RFT1: variants seen among roughly 807,000 people sequenced by gnomAD.
RFT1 encodes the protein man(5)GlcNAc(2)-PP-dolichol translocation protein RFT1.
Under a neutral mutation model 62.2 loss-of-function variants are expected in RFT1, and 43 were observed. The ratio of observed to expected loss-of-function variants is 0.69; its 90% CI spans 0.54 to 0.89. The LOEUF is 0.89. RFT1 is among the 40% of genes least tolerant of loss of function. RFT1 has a pLI of 0.00. For missense variants in RFT1, 605 were observed against 649.9 expected, an observed-to-expected ratio of 0.93 and a Z score of 0.75; for synonymous variants, 262 against 264.6, an observed-to-expected ratio of 0.99 and a Z score of 0.10.
chr3:53,112,177 C>T lies in RFT1; in HGVS notation c.697-269G>A, dbSNP rs142199778. On this transcript the variant is annotated intron_variant, in intron 6 of 12. Coordinates refer to ENST00000296292, the MANE Select transcript of RFT1 (RefSeq NM_052859.4). ...AAGAATTGCTGCTGTCCCTTGGGGG[C>T]CCACACAGTACACTGACCACAGCTA... Among the ~76,000 whole-genome samples the T allele has an allele frequency of 9.8e-5, 15 of 152,330 alleles. No homozygotes were observed. In the East Asian group the frequency reaches 2.9e-3, roughly 29 times the overall value.
chr3:53,112,577 T>G (rs547875224), intron 6 of RFT1, among the ~76,000 whole-genome samples: 1 of 152,148 alleles, frequency 6.6e-6, no homozygotes, highest in South Asian at 2.1e-4. Context: ...ACCCCATCTC[T>G]ACTAAAAATA....
rs1186969107 is a variant in RFT1, at chr3:53,111,624, GGA to G, written c.775+204_775+205del. ...AACAATATGTTTCTTATAAGGCTGT[GGA>G]GAGATTTAAATTAGACCACTAAGTA... On this transcript the variant is annotated intron_variant, in intron 7 of 12. Transcript: ENST00000296292. Among the ~76,000 whole-genome samples, 3 of 152,090 alleles carry G rather than the reference GGA, an allele frequency of 2.0e-5. No individual in the cohort carries two copies. The East Asian group carries it at 5.8e-4, about 29-fold the overall frequency.
chr3:53,112,377 G>A (rs533471154), intron 6 of RFT1, among the ~76,000 whole-genome samples: 4 of 152,294 alleles, frequency 2.6e-5, no homozygotes, highest in Admixed American at 1.3e-4. Flanking sequence ...TTTAGCCTTC[G>A]CAGGTCAGGT....
intron 6 of RFT1, among the ~76,000 whole-genome samples, chr3:53,113,209 G>T (rs560455725): frequency 2.4e-4 from 37 of 152,086 alleles, no homozygotes; most frequent in African/African-American, 7.5e-4. Context: ...AGAGATGAGG[G>T]TCTTGCTGCA....
At chr3:53,072,139 G>A in the RFT1 span, among the ~76,000 whole-genome samples, 1 of 152,208 alleles carries the variant, frequency 6.6e-6, no homozygotes, top group East Asian at 1.9e-4. Context: ...AGGATGCAGA[G>A]AGGCTGCCTC....
chr3:53,119,967 G>A lies in RFT1; in HGVS notation c.613C>T (p.Leu205=), dbSNP rs1175712444. The part of the protein sequence containing the change: ...LCYVIYFTKL[L]GSPESTKLQT... Reference sequence around the variant, plus strand: ...AGCTTGGTTGATTCTGGGGAACCCAGTAACTTTGTGAAATAAATAACATAG... The same window carrying A: ...AGCTTGGTTGATTCTGGGGAACCCAATAACTTTGTGAAATAAATAACATAG... Residue 205 remains leucine (L), a synonymous_variant, in exon 6 of 13, where the codon CTG becomes TTG. Transcript: ENST00000296292. The A allele has an allele frequency of 3.7e-6, 6 of 1,611,648 alleles. 1 individual carries two copies. Among genetic ancestry groups the A allele is most frequent in the Non-Finnish European group, 5.1e-6 (6 of 1,179,130 alleles).
intron 10 of RFT1, among the ~76,000 whole-genome samples, chr3:53,100,155 T>A (rs1207725744): frequency 6.6e-6 from 1 of 152,220 alleles, no homozygotes; most frequent in African/African-American, 2.4e-5. Flanking sequence ...GAATCTCAGT[T>A]GAGCAGGTCC....
At chr3:53,127,962 A>G (rs1372855259) in intron 1 of RFT1, among the ~76,000 whole-genome samples, 1 of 152,190 alleles carries the variant, frequency 6.6e-6, no homozygotes, top group East Asian at 1.9e-4. Context: ...GAGAAAGCAT[A>G]CAAGAATGAA....
the RFT1 span, among the ~76,000 whole-genome samples, chr3:53,075,604 G>C: frequency 6.6e-6 from 1 of 152,194 alleles, no homozygotes. Context: ...AAGAGCTCTT[G>C]ACTCAGGAGG....
chr3:53,129,029 C>A (rs1011862746), intron 1 of RFT1, among the ~76,000 whole-genome samples: 1 of 151,646 alleles, frequency 6.6e-6, no homozygotes, highest in Admixed American at 6.6e-5. Flanking sequence ...TGAAGCCTAT[C>A]TGAGTAGTAA....
chr3:53,081,434 AAAG>A, the RFT1 span, among the ~76,000 whole-genome samples: 1 of 151,972 alleles, frequency 6.6e-6, no homozygotes, highest in Non-Finnish European at 1.5e-5. Flanking sequence ...TTGGAAGAGG[AAAG>A]AAGGGTGGAT....
At chr3:53,105,535 T>G in intron 9 of RFT1, 138 bp downstream of exon 9, 4 of 1,106,268 alleles carry the variant, frequency 3.6e-6, no homozygotes, top group Non-Finnish European at 4.1e-6. Flanking sequence ...CCCACTATCA[T>G]GAAGAATGTA....
intron 11 of RFT1, among the ~76,000 whole-genome samples, chr3:53,097,796 C>T (rs1162744417): frequency 6.6e-6 from 1 of 152,202 alleles, no homozygotes; most frequent in Non-Finnish European, 1.5e-5. Context: ...TTAGAAGTAG[C>T]TTTCAAATAA....
chr3:53,096,972 T>C (rs946948949), intron 11 of RFT1, among the ~76,000 whole-genome samples: 1 of 152,140 alleles, frequency 6.6e-6, no homozygotes, highest in African/African-American at 2.4e-5. Context: ...CTCGAACTCC[T>C]GACCTCAGGT....
At chr3:53,096,295 TAGAC>T (rs1425646601) in intron 11 of RFT1, among the ~76,000 whole-genome samples, 2 of 151,960 alleles carry the variant, frequency 1.3e-5, no homozygotes, top group Non-Finnish European at 2.9e-5. Context: ...GAAAGAAAAT[TAGAC>T]AGCCTTAACA....
intron 11 of RFT1, 27 bp from the exon 12 acceptor site, chr3:53,092,645 C>T: frequency 3.1e-6 from 5 of 1,604,320 alleles, no homozygotes; most frequent in Non-Finnish European, 4.3e-6. Flanking sequence ...AAAAGGAGGG[C>T]AGTGGTGACC....
chr3:53,069,096 C>T, the RFT1 span, among the ~76,000 whole-genome samples: 4 of 152,312 alleles, frequency 2.6e-5, no homozygotes, highest in South Asian at 4.1e-4. Flanking sequence ...TGTGCCACTA[C>T]GCGTGGCTAA....
the RFT1 span, among the ~76,000 whole-genome samples, chr3:53,079,862 T>C: frequency 6.6e-6 from 1 of 151,980 alleles, no homozygotes; most frequent in Non-Finnish European, 1.5e-5. Flanking sequence ...AAAACAAAAC[T>C]CAGCAAGTTT....
the RFT1 span, among the ~76,000 whole-genome samples, chr3:53,078,557 A>G: frequency 1.3e-5 from 2 of 152,100 alleles, no homozygotes; most frequent in Non-Finnish European, 2.9e-5. Context: ...TGGGCAACAT[A>G]GTGAGACCCC....
Sources: gnomAD v4.1 joint callset for allele counts (sites outside exome capture counted in the v4.1 genomes callset) on GRCh38, gnomAD v4.1.1 for gene constraint, MANE v1.5 for transcripts, NCBI Gene and HGNC (gene_info 2026-07-23, HGNC 2026-07-21) for gene names.